SPMIP2: variants seen among roughly 807,000 people sequenced by gnomAD.
The protein encoded by SPMIP2 is sperm microtubule inner protein 2, also known as protein SPMIP2.
chr4:159,028,963 C>G, the SPMIP2 span, among the ~76,000 whole-genome samples: 2 of 151,978 alleles, frequency 1.3e-5, no homozygotes, highest in African/African-American at 2.4e-5. Context: ...GGCGTGGTGG[C>G]GCACACCTGA....
At chr4:159,065,444 G>T in the SPMIP2 span, among the ~76,000 whole-genome samples, 1 of 152,160 alleles carries the variant, frequency 6.6e-6, no homozygotes, top group Admixed American at 6.6e-5. Flanking sequence ...TTGGCTGGGT[G>T]TGTTGGCTCA....
chr4:159,047,034 C>CTA, the SPMIP2 span, among the ~76,000 whole-genome samples: 1 of 152,180 alleles, frequency 6.6e-6, no homozygotes, highest in Non-Finnish European at 1.5e-5. Flanking sequence ...TTGGTTGCCT[C>CTA]ATTCTTTCAT....
At chr4:158,904,226 C>A in the SPMIP2 span, among the ~76,000 whole-genome samples, 1 of 152,164 alleles carries the variant, frequency 6.6e-6, no homozygotes. Context: ...TGTCCACACA[C>A]AGGCACAACA....
At chr4:158,954,477 A>T in the SPMIP2 span, among the ~76,000 whole-genome samples, 1 of 152,202 alleles carries the variant, frequency 6.6e-6, no homozygotes, top group Admixed American at 6.5e-5. Context: ...AAACGGACTA[A>T]TACAAAGGAA....
the SPMIP2 span, among the ~76,000 whole-genome samples, chr4:159,028,793 AATAC>A: frequency 2.0e-5 from 3 of 152,162 alleles, no homozygotes; most frequent in Non-Finnish European, 4.4e-5. Context: ...AAATCTTTGT[AATAC>A]AAAAATAACA....
the SPMIP2 span, among the ~76,000 whole-genome samples, chr4:158,977,155 G>C: frequency 6.6e-6 from 1 of 152,138 alleles, no homozygotes; most frequent in East Asian, 1.9e-4. Flanking sequence ...GTTTGGAATA[G>C]TTTCAGAAGG....
At chr4:158,974,460 C>A in the SPMIP2 span, among the ~76,000 whole-genome samples, 47,573 of 151,312 alleles carry the variant, frequency 0.31, 7,676 homozygotes, top group South Asian at 0.41. Flanking sequence ...CATCCCCTTG[C>A]CCCCCACCCG....
chr4:158,976,126 C>T, the SPMIP2 span, among the ~76,000 whole-genome samples: 3 of 152,110 alleles, frequency 2.0e-5, no homozygotes, highest in Admixed American at 6.5e-5. Flanking sequence ...GTGATTTTTG[C>T]ACACTGATTT....
chr4:159,057,810 C>G, the SPMIP2 span, among the ~76,000 whole-genome samples: 1 of 152,146 alleles, frequency 6.6e-6, no homozygotes, highest in Non-Finnish European at 1.5e-5. Flanking sequence ...TTAAAATCAT[C>G]ACATGTATTA....
At chr4:159,017,352 C>CACAA in the SPMIP2 span, among the ~76,000 whole-genome samples, 2 of 65,488 alleles carry the variant, frequency 3.1e-5, no homozygotes, top group Non-Finnish European at 6.8e-5. Context: ...CAAACACAAA[C>CACAA]ACATACACAC....
chr4:159,012,555 C>G, the SPMIP2 span, among the ~76,000 whole-genome samples: 1 of 141,300 alleles, frequency 7.1e-6, no homozygotes, highest in Non-Finnish European at 1.5e-5. Context: ...CCTTAGCTAA[C>G]CTATCACCAC....
At chr4:158,983,302 T>C in the SPMIP2 span, among the ~76,000 whole-genome samples, 7 of 151,592 alleles carry the variant, frequency 4.6e-5, no homozygotes, top group East Asian at 9.8e-4. Context: ...ATTCAGGAAA[T>C]ACAGAGAACG....
the SPMIP2 span, among the ~76,000 whole-genome samples, chr4:158,949,266 A>T: frequency 2.6e-5 from 4 of 152,180 alleles, no homozygotes; most frequent in African/African-American, 9.7e-5. Context: ...AGTTTATCCT[A>T]TTGTCCTGGT....
chr4:158,990,796 G>A, the SPMIP2 span, among the ~76,000 whole-genome samples: 1 of 152,126 alleles, frequency 6.6e-6, no homozygotes, highest in Non-Finnish European at 1.5e-5. Context: ...ATGATGGGCT[G>A]GTGGGTGCAG....
chr4:159,055,498 A>C, the SPMIP2 span, among the ~76,000 whole-genome samples: 1 of 152,144 alleles, frequency 6.6e-6, no homozygotes, highest in Non-Finnish European at 1.5e-5. Context: ...GCTTGAGTTC[A>C]AGAGTTTGAG....
chr4:159,028,039 T>C, the SPMIP2 span, among the ~76,000 whole-genome samples: 1 of 152,162 alleles, frequency 6.6e-6, no homozygotes, highest in African/African-American at 2.4e-5. Flanking sequence ...TACTTTTATT[T>C]AGTCAGTAAT....
At chr4:158,980,390 C>T in the SPMIP2 span, among the ~76,000 whole-genome samples, 544 of 152,326 alleles carry the variant, frequency 3.6e-3, 2 homozygotes, top group Middle Eastern at 0.027. Context: ...GGGTCCCTGA[C>T]CCCCATGTCT....
At chr4:158,978,973 G>A in the SPMIP2 span, among the ~76,000 whole-genome samples, 15 of 152,118 alleles carry the variant, frequency 9.9e-5, no homozygotes, top group Admixed American at 7.2e-4. Flanking sequence ...GCCCACAGCC[G>A]CCCCTTCCCC....
chr4:159,058,714 T>C, the SPMIP2 span, among the ~76,000 whole-genome samples: 1 of 152,098 alleles, frequency 6.6e-6, no homozygotes, highest in Non-Finnish European at 1.5e-5. Flanking sequence ...AAAGAAATAA[T>C]GGAAGCATGG....
Sources: allele counts gnomAD v4.1 joint callset (sites outside exome capture counted in the v4.1 genomes callset), GRCh38; gene constraint gnomAD v4.1.1; transcripts MANE v1.5; gene names NCBI Gene and HGNC (gene_info 2026-07-23, HGNC 2026-07-21).